AADACL3: variants seen among roughly 807,000 people sequenced by gnomAD.
AADACL3 encodes arylacetamide deacetylase like 3, also known as arylacetamide deacetylase-like 3.
AADACL3 carries 13 observed loss-of-function variants against 13.6 expected under a neutral mutation model. The observed-to-expected ratio is 0.95, with a 90% CI of 0.62 to 1.52. The LOEUF is 1.52. AADACL3 is among the 40% of genes most tolerant of loss of function. AADACL3 has a pLI of 0.00. For missense variants in AADACL3, 519 were observed against 499.2 expected (o/e 1.04, Z -0.38); for synonymous variants, 195 against 197.0 (o/e 0.99, Z 0.08).
intron 1 of AADACL3, 110 bp downstream of exon 1, chr1:12,716,454 G>T (rs1648436911): frequency 2.8e-6 from 4 of 1,428,202 alleles, no homozygotes; most frequent in South Asian, 1.2e-5. Context: ...CATGGGGCCT[G>T]CAGTGACAGC....
intron 3 of AADACL3, 135 bp from the exon 4 acceptor site, chr1:12,725,087 A>T (rs1638337584): frequency 1.1e-6 from 1 of 922,158 alleles, no homozygotes; most frequent in Admixed American, 2.7e-5. Context: ...ATCTCATTTA[A>T]GCCTCACACC....
chr1:12,725,268 T>G lies in AADACL3; in HGVS notation c.496T>G (p.Cys166Gly). 6.2e-7 allele frequency: 1 copy of G among 1,613,050 alleles called. No individual in the cohort carries two copies. The highest frequency in any genetic ancestry group is 8.5e-7 in the Non-Finnish European group (1 of 1,179,658). Residue 166 changes from cysteine (C) to glycine (G), a missense_variant, in exon 4 of 4, where the codon TGC becomes GGC. Physicochemically the swap from Cys to Gly is radical, Grantham distance 159. Transcript: ENST00000359318. Reference sequence around the variant, plus strand: ...TAAGTTTCCAGTGCCAGTAAGAGACTGCTTGGTGGCCACCATCCACTTCCT... The same window carrying G: ...TAAGTTTCCAGTGCCAGTAAGAGACGGCTTGGTGGCCACCATCCACTTCCT... ...KHKFPVPVRD[C>G]LVATIHFLKS...
chr1:12,722,358 A>G (rs1460100185), intron 3 of AADACL3, among the ~76,000 whole-genome samples: 2 of 150,544 alleles, frequency 1.3e-5, no homozygotes, highest in Admixed American at 6.6e-5. Flanking sequence ...AATGGAAAAG[A>G]AAATGAAGAG....
intron 1 of AADACL3, 117 bp downstream of exon 1, chr1:12,716,461 C>T: frequency 4.3e-6 from 6 of 1,386,434 alleles, no homozygotes; most frequent in Non-Finnish European, 6.2e-6. Flanking sequence ...CCTGCAGTGA[C>T]AGCTGATCAG....
intron 3 of AADACL3, among the ~76,000 whole-genome samples, chr1:12,724,298 T>C (rs746084810): frequency 2.0e-5 from 3 of 151,970 alleles, no homozygotes; most frequent in Non-Finnish European, 4.4e-5. Flanking sequence ...TTAGACATGC[T>C]CATGAATGTA....
Position 12,716,234 on chromosome 1 carries a change from A to T in AADACL3, c.58A>T (p.Thr20Ser). The T allele has an allele frequency of 7.1e-7, 1 of 1,415,992 alleles. No homozygotes were observed. Among genetic ancestry groups the T allele is most frequent in the Middle Eastern group, 2.1e-4 (1 of 4,786 alleles). The allele number at this position is 1,415,992 out of a possible 1,614,324, so 87.7% of individuals were successfully genotyped here. A position where few individuals can be genotyped will look rare whatever the true frequency, so the allele number is the denominator to read the frequency against. Reference sequence around the variant, plus strand: ...AGCCTGCGTGTTCTCACTAGGGGTCACTCTGTGGGTCATTTGCAGCCATTT... The same window carrying T: ...AGCCTGCGTGTTCTCACTAGGGGTCTCTCTGTGGGTCATTTGCAGCCATTT... ...AAACVFSLGV[T>S]LWVICSHFFT... is the part of the protein sequence containing the mutation. The change falls in exon 1 of 4, where the codon ACT (threonine) becomes TCT (serine). Residue 20 changes from threonine (T) to serine (S), a missense_variant. Coordinates refer to ENST00000359318, the MANE Select transcript of AADACL3 (RefSeq NM_001103170.3).
rs370140994 is a variant in AADACL3, at chr1:12,719,552, G to A, written c.246G>A (p.Lys82=). 6 of 1,614,040 alleles carry A rather than the reference G, an allele frequency of 3.7e-6. No homozygotes were observed. The highest frequency in any genetic ancestry group is 5.1e-6 in the Non-Finnish European group (6 of 1,180,014). Residue 82 remains lysine, a synonymous_variant, in exon 2 of 4, where the codon AAG becomes AAA. Transcript: ENST00000359318. ...TCATGCAAGATCTGCCTCCGCTAAA[G>A]TATGACCCCGATGTTGTGGTCACGG... ...FCFMQDLPPL[K]YDPDVVVTDF...
At position 12,716,128 on chromosome 1, in the gene AADACL3, T is replaced by C. The variant is rs181994620; in HGVS notation, c.-49T>C. Reference sequence around the variant, plus strand: ...TGGCTCTGAACCATGTCCTAAATGGTTTACACTGCGCACAGCTTCCTCTCA... The same window carrying C: ...TGGCTCTGAACCATGTCCTAAATGGCTTACACTGCGCACAGCTTCCTCTCA... On this transcript the variant is annotated 5_prime_UTR_variant, in exon 1 of 4. Coordinates refer to ENST00000359318, the MANE Select transcript of AADACL3 (RefSeq NM_001103170.3). 204 of 643,160 alleles carry C rather than the reference T, an allele frequency of 3.2e-4. No individual in the cohort carries two copies. Among genetic ancestry groups the C allele is most frequent in the African/African-American group, 2.8e-3 (154 of 55,562 alleles). 39.8% of individuals were successfully genotyped at this position (643,160 alleles called of 1,614,324 possible). A position where few individuals can be genotyped will look rare whatever the true frequency, so the allele number is the denominator to read the frequency against.
rs1388888339 is a variant in AADACL3 at position 12,726,781 on chromosome 1, G to A, written c.*785G>A. On this transcript the variant is annotated 3_prime_UTR_variant, in exon 4 of 4. Coordinates refer to ENST00000359318, the MANE Select transcript of AADACL3 (RefSeq NM_001103170.3). ...GGGTCCTGAGTTAGAGACCCATGAA[G>A]GCTGAGTCTAACCAGATAACCCTGT... The A allele has an allele frequency of 6.6e-6, 1 of 152,246 alleles. No individual in the cohort carries two copies. The highest frequency in any genetic ancestry group is 1.5e-5 in the Non-Finnish European group (1 of 68,068). 9.4% of individuals were successfully genotyped at this position (152,246 alleles called of 1,614,324 possible).
chr1:12,717,438 A>T (rs951925933), intron 1 of AADACL3, among the ~76,000 whole-genome samples: 1 of 152,182 alleles, frequency 6.6e-6, no homozygotes, highest in South Asian at 2.1e-4. Flanking sequence ...CCCTCTCCAG[A>T]AGGCTTATTA....
chr1:12,716,615 T>C (rs1036540251), intron 1 of AADACL3, among the ~76,000 whole-genome samples: 1 of 152,236 alleles, frequency 6.6e-6, no homozygotes, highest in East Asian at 1.9e-4. Flanking sequence ...TCTGGTTCTA[T>C]TCACCTGAGT....
At chr1:12,722,257 G>A (rs1638273461) in intron 3 of AADACL3, among the ~76,000 whole-genome samples, 1 of 150,278 alleles carries the variant, frequency 6.7e-6, no homozygotes, top group Admixed American at 6.7e-5. Context: ...AACCCAGAAG[G>A]CAGAGGTTAC....
Position 12,719,686 on chromosome 1 carries a change from G to A in AADACL3, c.380G>A (p.Ser127Asn). 1 of 1,613,790 alleles carries A rather than the reference G, an allele frequency of 6.2e-7. No individual in the cohort carries two copies. Among genetic ancestry groups the A allele is most frequent in the South Asian group, 1.1e-5 (1 of 91,058 alleles). ...YYHGGGGVMG[S>N]LKTHHGICSR... The stretch of plus-strand genomic sequence containing the variant: ...CACGGTGGCGGGGGCGTCATGGGGA[G>A]TTTGAGTAAGAACCATTTTCTCAGA... The change falls in exon 2 of 4, where the codon AGT becomes AAT. Residue 127 changes from serine (S) to asparagine (N), a missense_variant. Transcript: ENST00000359318.
At chr1:12,722,592 G>A (rs971692369) in intron 3 of AADACL3, among the ~76,000 whole-genome samples, 2 of 151,942 alleles carry the variant, frequency 1.3e-5, no homozygotes, top group Non-Finnish European at 2.9e-5. Context: ...TTTCCAGGAT[G>A]TCCTATTCCC....
intron 3 of AADACL3, among the ~76,000 whole-genome samples, chr1:12,722,152 C>A (rs914810622): frequency 6.6e-6 from 1 of 151,958 alleles, no homozygotes; most frequent in Non-Finnish European, 1.5e-5. Flanking sequence ...CACGGTGAAA[C>A]CTTGTCTCTA....
At position 12,725,720 on chromosome 1, in the gene AADACL3, T is replaced by C. The variant is rs756461376; in HGVS notation, c.948T>C (p.Ser316=). 3 of 1,614,088 alleles carry C rather than the reference T, an allele frequency of 1.9e-6. No homozygotes were observed. The highest frequency in any genetic ancestry group is 4.5e-5 in the East Asian group (2 of 44,876). The part of the protein sequence containing the change: ...PMNEAAYLEV[S]VVLDVMCSPL... ...ATGAAGCTGCTTACTTGGAAGTAAG[T>C]GTTGTCCTGGATGTGATGTGCTCGC... is the stretch of plus-strand genomic sequence containing the variant. The change falls in exon 4 of 4, where the codon AGT becomes AGC. Residue 316 remains serine, a synonymous_variant. Coordinates refer to ENST00000359318, the MANE Select transcript of AADACL3 (RefSeq NM_001103170.3).
At position 12,719,591 on chromosome 1, in the gene AADACL3, G is replaced by A. The variant is rs1648522468; in HGVS notation, c.285G>A (p.Gly95=). The A allele has an allele frequency of 6.2e-7, 1 of 1,614,020 alleles. No homozygotes were observed. Among genetic ancestry groups the A allele is most frequent in the Non-Finnish European group, 8.5e-7 (1 of 1,180,006 alleles). Residue 95 remains glycine, a synonymous_variant, in exon 2 of 4, where the codon GGG becomes GGA. Transcript: ENST00000359318. ...PDVVVTDFRF[G]TIPVKLYQPK... ...TTGTGGTCACGGATTTCCGCTTTGG[G>A]ACAATCCCTGTGAAGCTGTACCAAC...
rs763727049 is a variant in AADACL3, at chr1:12,725,397, A to G, written c.625A>G (p.Arg209Gly). 2.2e-5 allele frequency: 36 copies of G among 1,614,170 alleles called. 1 individual carries two copies. In the South Asian group the frequency reaches 3.6e-4, roughly 16 times the overall value. The change falls in exon 4 of 4, where the codon AGG (arginine) becomes GGG (glycine). Residue 209 changes from arginine (R) to glycine (G), a missense_variant. By Grantham distance (125) the Arg-to-Gly change is moderately radical. Transcript: ENST00000359318. ...AAVVCQQLVD[R>G]PDLPRIRAQI... Reference sequence around the variant, plus strand: ...AGTGGTTTGTCAACAACTTGTGGACAGGCCAGATCTGCCCCGGATCCGGGC... The same window carrying G: ...AGTGGTTTGTCAACAACTTGTGGACGGGCCAGATCTGCCCCGGATCCGGGC...
rs1248472030 is a variant in AADACL3 at position 12,727,521 on chromosome 1, T to C, written c.*1525T>C. Reference sequence around the variant, plus strand: ...GCCAGGGTCCTCTGCTGGCCCCACTTGGTCTTCTGGAGGCTCTGATCTTGG... The same window carrying C: ...GCCAGGGTCCTCTGCTGGCCCCACTCGGTCTTCTGGAGGCTCTGATCTTGG... On this transcript the variant is annotated 3_prime_UTR_variant, in exon 4 of 4. Coordinates refer to ENST00000359318, the MANE Select transcript of AADACL3 (RefSeq NM_001103170.3). 1 of 152,230 alleles carries C rather than the reference T, an allele frequency of 6.6e-6. No individual in the cohort carries two copies. The highest frequency in any genetic ancestry group is 2.4e-5 in the African/African-American group (1 of 41,456). The allele number at this position is 152,230 out of a possible 1,614,324, so 9.4% of individuals were successfully genotyped here. A position where few individuals can be genotyped will look rare whatever the true frequency, so the allele number is the denominator to read the frequency against.
Sources: gnomAD v4.1 joint callset for allele counts (sites outside exome capture counted in the v4.1 genomes callset) on GRCh38, gnomAD v4.1.1 for gene constraint, MANE v1.5 for transcripts, NCBI Gene and HGNC (gene_info 2026-07-23, HGNC 2026-07-21) for gene names.